Variants in TMOD3 observed in about 807,000 individuals in gnomAD.
TMOD3 encodes tropomodulin-3.
A neutral mutation model predicts 39.2 loss-of-function variants in TMOD3; 20 were observed. The ratio of observed to expected loss-of-function variants is 0.51; its 90% CI spans 0.36 to 0.74. TMOD3 has a LOEUF of 0.74. TMOD3 is among the 30% of genes least tolerant of loss of function. TMOD3 has a pLI of 0.00. For synonymous variants in TMOD3, 143 were observed against 145.8 expected, an observed-to-expected ratio of 0.98 and a Z score of 0.14; for missense variants, 381 against 412.8, an observed-to-expected ratio of 0.92 and a Z score of 0.67.
At chr15:51,844,944 T>C (rs926924347) in intron 1 of TMOD3, among the ~76,000 whole-genome samples, 3 of 152,260 alleles carry the variant, frequency 2.0e-5, no homozygotes. Flanking sequence ...GTTCATTTTT[T>C]AAGTCTATCT....
At chr15:51,882,111 T>A (rs765633983) in intron 3 of TMOD3, among the ~76,000 whole-genome samples, 5 of 151,674 alleles carry the variant, frequency 3.3e-5, no homozygotes, top group Non-Finnish European at 7.4e-5. Context: ...GCCAGGCTGG[T>A]CTCGATCTCC....
chr15:51,894,716 G>A, intron 6 of TMOD3, among the ~76,000 whole-genome samples: 1 of 152,142 alleles, frequency 6.6e-6, no homozygotes. Flanking sequence ...ATACATTTGA[G>A]ATTGATTCAT....
chr15:51,833,820 A>G (rs539135850), intron 1 of TMOD3, among the ~76,000 whole-genome samples: 1 of 152,354 alleles, frequency 6.6e-6, no homozygotes, highest in African/African-American at 2.4e-5. Flanking sequence ...ATAAATACCT[A>G]GGAGCAGAGT....
rs1197695836 is a variant in TMOD3 at position 51,889,040 on chromosome 15, T to A, written c.407-16T>A. On this transcript the variant is annotated splice_polypyrimidine_tract_variant and intron_variant, in intron 4 of 9. Coordinates refer to ENST00000308580, the MANE Select transcript of TMOD3 (RefSeq NM_014547.5). ...ATGTTTAAAACAATAAAAACTTTCTTTTTCTGTATTTATAGCAATTCTTGG... is the reference window on the plus strand; with the variant it reads ...ATGTTTAAAACAATAAAAACTTTCTATTTCTGTATTTATAGCAATTCTTGG... The A allele has an allele frequency of 6.5e-7, 1 of 1,527,086 alleles. No individual in the cohort carries two copies. The highest frequency in any genetic ancestry group is 1.4e-5 in the African/African-American group (1 of 70,734). The allele number at this position is 1,527,086 out of a possible 1,614,324, so 94.6% of individuals were successfully genotyped here.
At chr15:51,884,264 C>G (rs1263055456) in intron 3 of TMOD3, among the ~76,000 whole-genome samples, 2 of 152,192 alleles carry the variant, frequency 1.3e-5, no homozygotes, top group Non-Finnish European at 2.9e-5. Context: ...ATTGGATTAC[C>G]TGTTGTGTTC....
chr15:51,875,971 A>G (rs1362491661), intron 3 of TMOD3, among the ~76,000 whole-genome samples: 1 of 152,072 alleles, frequency 6.6e-6, no homozygotes, highest in African/African-American at 2.4e-5. Flanking sequence ...CTTTGTTGCT[A>G]CTTGTTTTTA....
At chr15:51,861,008 G>C in intron 1 of TMOD3, 1 of 674,158 alleles carries the variant, frequency 1.5e-6, no homozygotes, top group Admixed American at 2.1e-5. Flanking sequence ...AGGCACTTCG[G>C]AAAACACCTT....
At chr15:51,900,104 A>G (rs749101915) in intron 7 of TMOD3, 51 bp from the exon 8 acceptor site, 3 of 1,537,408 alleles carry the variant, frequency 2.0e-6, no homozygotes, top group South Asian at 2.3e-5. Context: ...TACAATATGT[A>G]GTAGGTACTG....
rs971045559 is a variant in TMOD3 at position 51,910,824 on chromosome 15, G to A, written c.*2014G>A. On this transcript the variant is annotated 3_prime_UTR_variant, in exon 10 of 10. Coordinates refer to ENST00000308580, the MANE Select transcript of TMOD3 (RefSeq NM_014547.5). ...TTAAATCAGTATCCAATGTTTTATA[G>A]GGGCCAAAGGTTAACTTTGCACTAT... The A allele has an allele frequency of 4.0e-5, 6 of 150,668 alleles. No homozygotes were observed. Among genetic ancestry groups the A allele is most frequent in the Non-Finnish European group, 8.8e-5 (6 of 67,816 alleles). The allele number at this position is 150,668 out of a possible 1,614,324, so 9.3% of individuals were successfully genotyped here.
At position 51,912,007 on chromosome 15, in the gene TMOD3, G is replaced by C. The variant is rs914738614; in HGVS notation, c.*3197G>C. ...TTGAAATAACCCACATCCTTGCTTT[G>C]TATAAGATATTCGCTCTGGAGAAGT... On this transcript the variant is annotated 3_prime_UTR_variant, in exon 10 of 10. Coordinates refer to ENST00000308580, the MANE Select transcript of TMOD3 (RefSeq NM_014547.5). The C allele has an allele frequency of 1.3e-5, 2 of 152,138 alleles. No homozygotes were observed. Among genetic ancestry groups the C allele is most frequent in the Non-Finnish European group, 2.9e-5 (2 of 68,030 alleles). The allele number at this position is 152,138 out of a possible 1,614,324, so 9.4% of individuals were successfully genotyped here.
intron 3 of TMOD3, among the ~76,000 whole-genome samples, chr15:51,881,769 G>A (rs2056536135): frequency 6.6e-6 from 1 of 151,314 alleles, no homozygotes; most frequent in East Asian, 1.9e-4. Flanking sequence ...TCTCCATGTT[G>A]GTCAGGCTGG....
chr15:51,905,420 G>C (rs1407843134), intron 9 of TMOD3, among the ~76,000 whole-genome samples: 1 of 152,060 alleles, frequency 6.6e-6, no homozygotes, highest in African/African-American at 2.4e-5. Flanking sequence ...CCAGAAGGCG[G>C]AGGTTGCAGT....
At chr15:51,879,430 A>G (rs1402520567) in intron 3 of TMOD3, among the ~76,000 whole-genome samples, 1 of 151,928 alleles carries the variant, frequency 6.6e-6, no homozygotes, top group African/African-American at 2.4e-5. Context: ...TCAGTTTTTA[A>G]AAATTTGAGT....
intron 7 of TMOD3, among the ~76,000 whole-genome samples, chr15:51,899,754 A>G (rs1375680001): frequency 6.6e-6 from 1 of 152,220 alleles, no homozygotes; most frequent in Non-Finnish European, 1.5e-5. Flanking sequence ...AAATTCTATG[A>G]ATTTCCAAAA....
At chr15:51,898,079 C>T (rs1431083218) in intron 7 of TMOD3, among the ~76,000 whole-genome samples, 1 of 152,204 alleles carries the variant, frequency 6.6e-6, no homozygotes, top group Non-Finnish European at 1.5e-5. Flanking sequence ...TCGGATAACC[C>T]TCTAGCAGCT....
At chr15:51,862,787 T>C (rs1254072327) in intron 1 of TMOD3, 24 bp from the exon 2 acceptor site, 20 of 1,217,802 alleles carry the variant, frequency 1.6e-5, no homozygotes, top group Non-Finnish European at 2.1e-5. Context: ...CTATTTAAAA[T>C]GTATTTGTTT....
At chr15:51,888,929 G>A in intron 4 of TMOD3, 127 bp from the exon 5 acceptor site, 1 of 608,408 alleles carries the variant, frequency 1.6e-6, no homozygotes, top group Non-Finnish European at 2.9e-6. Flanking sequence ...TTTGTTTTCT[G>A]TGTGGGTGTG....
chr15:51,898,867 T>G (rs2056634586), intron 7 of TMOD3: 1 of 152,258 alleles, frequency 6.6e-6, no homozygotes, highest in South Asian at 2.1e-4. Context: ...TCTTTTTCTT[T>G]CCTTCCCAGT....
chr15:51,896,038 A>G (rs2056618880), intron 6 of TMOD3, among the ~76,000 whole-genome samples: 1 of 152,114 alleles, frequency 6.6e-6, no homozygotes, highest in Non-Finnish European at 1.5e-5. Flanking sequence ...AACCTGGGAG[A>G]TAGAGGTTGC....
Sources: gnomAD v4.1 joint callset for allele counts (sites outside exome capture counted in the v4.1 genomes callset) on GRCh38, gnomAD v4.1.1 for gene constraint, MANE v1.5 for transcripts, NCBI Gene and HGNC (gene_info 2026-07-23, HGNC 2026-07-21) for gene names.